KIRREL3: variants seen among roughly 807,000 people sequenced by gnomAD.
The protein encoded by KIRREL3 is kirre like nephrin family adhesion molecule 3, also known as kin of IRRE-like protein 3.
A neutral mutation model predicts 89.7 loss-of-function variants in KIRREL3; 36 were observed. The observed-to-expected ratio is 0.40, with a 90% CI of 0.31 to 0.53. The LOEUF (loss-of-function observed/expected upper bound fraction) is 0.53. Ranked by LOEUF, KIRREL3 falls within the 20% of genes least tolerant of loss-of-function variation. KIRREL3 has a pLI of 0.49. For synonymous variants in KIRREL3, 445 were observed against 441.4 expected (o/e 1.01, Z -0.10); for missense variants, 864 against 1,056.6 (o/e 0.82, Z 2.53).
chr11:126,875,272 A>G (rs1244308123), intron 1 of KIRREL3, among the ~76,000 whole-genome samples: 2 of 152,172 alleles, frequency 1.3e-5, no homozygotes, highest in African/African-American at 4.8e-5. Flanking sequence ...GAAAAAAAAC[A>G]CTGAAGAGAC....
intron 8 of KIRREL3, among the ~76,000 whole-genome samples, chr11:126,447,979 T>G (rs1955888512): frequency 6.6e-6 from 1 of 152,192 alleles, no homozygotes. Flanking sequence ...GGGTCCCTGC[T>G]GGACCTCCAG....
intron 15 of KIRREL3, among the ~76,000 whole-genome samples, 194 bp from the exon 16 acceptor site, chr11:126,425,918 G>A (rs958596623): frequency 2.0e-5 from 3 of 152,228 alleles, no homozygotes; most frequent in Admixed American, 2.0e-4. Flanking sequence ...AGTTGAGGGG[G>A]GTGGGTGAGT....
rs1202518877 is a variant in KIRREL3 at position 126,900,282 on chromosome 11, T to C, written c.55+100173A>G. Among the ~76,000 whole-genome samples the C allele has an allele frequency of 6.6e-6, 1 of 152,176 alleles. No homozygotes were observed. The highest frequency in any genetic ancestry group is 2.4e-5 in the African/African-American group (1 of 41,446). On this transcript the variant is annotated intron_variant, in intron 1 of 16. Coordinates refer to ENST00000525144, the MANE Select transcript of KIRREL3 (RefSeq NM_032531.4). The surrounding 1 kb of genome is among the most constrained non-coding windows in gnomAD (Gnocchi z 4.4). ...AAACCAAAGACGCCTTCACCACCAA[T>C]GATCAGAGGAAAAGTGATTCAGATG...
chr11:126,676,979 G>A lies in KIRREL3; in HGVS notation c.56-114067C>T, dbSNP rs1051892134. Among the ~76,000 whole-genome samples, 1 of 151,738 alleles carries A rather than the reference G, an allele frequency of 6.6e-6. No individual in the cohort carries two copies. The highest frequency in any genetic ancestry group is 2.4e-5 in the African/African-American group (1 of 41,306). On this transcript the variant is annotated intron_variant, in intron 1 of 16. Transcript: ENST00000525144. This position sits in a 1 kb window ranked among gnomAD's most constrained non-coding sequence, Gnocchi z 4.5. ...TTTAAAAAATTTTTTGTAGAGACAG[G>A]GTCTTGCTGTGTTGCCAGGGCTGAT...
intron 1 of KIRREL3, among the ~76,000 whole-genome samples, chr11:126,775,252 C>A (rs371029430): frequency 4.6e-5 from 7 of 152,064 alleles, no homozygotes; most frequent in Admixed American, 2.0e-4. Flanking sequence ...AGGAGTTGAT[C>A]GATTTAAAAA....
rs1950067785 is a variant in KIRREL3 at position 126,773,129 on chromosome 11, A to G, written c.56-210217T>C. ...GAATCTTCAAAATCACTGCACATTA[A>G]TCCATTGATTTTGTAGGTCTGTGAT... On this transcript the variant is annotated intron_variant, in intron 1 of 16. Coordinates refer to ENST00000525144, the MANE Select transcript of KIRREL3 (RefSeq NM_032531.4). This position sits in a 1 kb window ranked among gnomAD's most constrained non-coding sequence, Gnocchi z 4.2. 6.6e-6 allele frequency among the ~76,000 whole-genome samples: 1 copy of G among 152,162 alleles called. No individual in the cohort carries two copies. The highest frequency in any genetic ancestry group is 2.4e-5 in the African/African-American group (1 of 41,442).
intron 1 of KIRREL3, among the ~76,000 whole-genome samples, chr11:126,881,314 G>A (rs536646748): frequency 5.3e-5 from 8 of 152,170 alleles, no homozygotes; most frequent in Non-Finnish European, 1.0e-4. Flanking sequence ...CTCTCCCCAC[G>A]TTCCTTCAGA....
chr11:126,495,959 A>G lies in KIRREL3; in HGVS notation c.434-22493T>C, dbSNP rs1358832548. Among the ~76,000 whole-genome samples the G allele has an allele frequency of 6.6e-6, 1 of 152,148 alleles. No homozygotes were observed. The highest frequency in any genetic ancestry group is 1.5e-5 in the Non-Finnish European group (1 of 68,032). On this transcript the variant is annotated intron_variant, in intron 4 of 16. Transcript: ENST00000525144. This position sits in a 1 kb window ranked among gnomAD's most constrained non-coding sequence, Gnocchi z 6.5. Reference sequence around the variant, plus strand: ...AAACATGCACAGATCATCCTTTCTCAGTATCTGCACTGCTACTACCCCAGC... The same window carrying G: ...AAACATGCACAGATCATCCTTTCTCGGTATCTGCACTGCTACTACCCCAGC...
chr11:126,447,346 G>A (rs1955859442), intron 8 of KIRREL3, among the ~76,000 whole-genome samples: 1 of 152,170 alleles, frequency 6.6e-6, no homozygotes, highest in East Asian at 1.9e-4. Flanking sequence ...CAAGCTAGCT[G>A]CCATCTCCTC....
rs950448741 is a variant in KIRREL3, at chr11:126,568,555, G to T, written c.56-5643C>A. 6.6e-6 allele frequency among the ~76,000 whole-genome samples: 1 copy of T among 152,196 alleles called. No homozygotes were observed. The highest frequency in any genetic ancestry group is 2.1e-4 in the South Asian group (1 of 4,828). Reference sequence around the variant, plus strand: ...TCTGGAGGAGACACCAGCTGGGTTTGGTTGGACTCACAGGGAGGCCACATG... The same window carrying T: ...TCTGGAGGAGACACCAGCTGGGTTTTGTTGGACTCACAGGGAGGCCACATG... On this transcript the variant is annotated intron_variant, in intron 1 of 16. Coordinates refer to ENST00000525144, the MANE Select transcript of KIRREL3 (RefSeq NM_032531.4). This position sits in a 1 kb window ranked among gnomAD's most constrained non-coding sequence, Gnocchi z 4.6.
Position 126,943,241 on chromosome 11 carries a change from C to T in KIRREL3, c.55+57214G>A, listed in dbSNP as rs1948512843. On this transcript the variant is annotated intron_variant, in intron 1 of 16. Coordinates refer to ENST00000525144, the MANE Select transcript of KIRREL3 (RefSeq NM_032531.4). The surrounding 1 kb of genome is among the most constrained non-coding windows in gnomAD (Gnocchi z 4.2). Reference sequence around the variant, plus strand: ...GCCTTAAGCAGCTCCCATGGTAAAACATTCACCGTCATTCTTTCTCTCTTC... The same window carrying T: ...GCCTTAAGCAGCTCCCATGGTAAAATATTCACCGTCATTCTTTCTCTCTTC... Among the ~76,000 whole-genome samples, 1 of 152,294 alleles carries T rather than the reference C, an allele frequency of 6.6e-6. No individual in the cohort carries two copies. Among genetic ancestry groups the T allele is most frequent in the South Asian group, 2.1e-4 (1 of 4,832 alleles).
chr11:126,995,860 T>C lies in KIRREL3; in HGVS notation c.55+4595A>G, dbSNP rs896173428. Among the ~76,000 whole-genome samples, 2 of 152,102 alleles carry C rather than the reference T, an allele frequency of 1.3e-5. No individual in the cohort carries two copies. Among genetic ancestry groups the C allele is most frequent in the Non-Finnish European group, 2.9e-5 (2 of 68,014 alleles). On this transcript the variant is annotated intron_variant, in intron 1 of 16. Coordinates refer to ENST00000525144, the MANE Select transcript of KIRREL3 (RefSeq NM_032531.4). The surrounding 1 kb of genome is among the most constrained non-coding windows in gnomAD (Gnocchi z 6.5). ...GCCTAATCTCCTGCTCCACCCCATC[T>C]CCTGCTGGCCCTGGCTTCCACCAAC...
intron 3 of KIRREL3, among the ~76,000 whole-genome samples, chr11:126,524,181 T>TA (rs1214215347): frequency 6.6e-6 from 1 of 152,228 alleles, no homozygotes; most frequent in Non-Finnish European, 1.5e-5. Context: ...ATAGACTACT[T>TA]ACTATGTGCC....
intron 5 of KIRREL3, 23 bp downstream of exon 5, chr11:126,473,265 CCTTGAAGCCCGTCCACACCCA>C: frequency 1.1e-6 from 1 of 936,964 alleles, no homozygotes; most frequent in Non-Finnish European, 1.4e-6. Flanking sequence ...CACCCACTCC[CCTTGAAGCCCGTCCACACCCA>C]CCCCCTCCCC....
At chr11:126,757,111 A>G (rs1156997209) in intron 1 of KIRREL3, among the ~76,000 whole-genome samples, 3 of 152,206 alleles carry the variant, frequency 2.0e-5, no homozygotes, top group African/African-American at 7.2e-5. Flanking sequence ...GCAAGCTGTG[A>G]AATCTCTGAA....
chr11:126,561,803 C>G lies in KIRREL3; in HGVS notation c.133+1032G>C, dbSNP rs565730417. On this transcript the variant is annotated intron_variant, in intron 2 of 16. Transcript: ENST00000525144. This position sits in a 1 kb window ranked among gnomAD's most constrained non-coding sequence, Gnocchi z 4.5. ...ATGATGGGTGCTGGAAACAGGTCCA[C>G]AGCTGGCAAAGTCTCAGGCATGGGG... Among the ~76,000 whole-genome samples, 20 of 152,308 alleles carry G rather than the reference C, an allele frequency of 1.3e-4. No homozygotes were observed. In the South Asian group the frequency reaches 2.9e-3, roughly 22 times the overall value.
At position 126,782,747 on chromosome 11, in the gene KIRREL3, T is replaced by C. The variant is rs1950366990; in HGVS notation, c.55+217708A>G. 6.6e-6 allele frequency among the ~76,000 whole-genome samples: 1 copy of C among 152,220 alleles called. No homozygotes were observed. The highest frequency in any genetic ancestry group is 2.4e-5 in the African/African-American group (1 of 41,446). ...CAGTATGAACTTATATTTAGCTTAA[T>C]ATAGATATAGATGTTATGTATGGAA... On this transcript the variant is annotated intron_variant, in intron 1 of 16. Transcript: ENST00000525144. This position sits in a 1 kb window ranked among gnomAD's most constrained non-coding sequence, Gnocchi z 4.1.
rs55750071 is a variant in KIRREL3, at chr11:126,594,306, A to ATT, written c.56-31396_56-31395dup. Among the ~76,000 whole-genome samples the ATT allele has an allele frequency of 6.6e-6, 1 of 151,866 alleles. No individual in the cohort carries two copies. Among genetic ancestry groups the ATT allele is most frequent in the Non-Finnish European group, 1.5e-5 (1 of 67,954 alleles). ...GCCACAGGATTCATGGCGTACTGTG[A>ATT]TTTTTTTGTTGTTGCTATGGTCCTT... On this transcript the variant is annotated intron_variant, in intron 1 of 16. Transcript: ENST00000525144. This position sits in a 1 kb window ranked among gnomAD's most constrained non-coding sequence, Gnocchi z 5.0.
intron 1 of KIRREL3, among the ~76,000 whole-genome samples, chr11:126,821,351 A>ATATATATATG (rs756545626): frequency 9.5e-6 from 1 of 105,232 alleles, no homozygotes; most frequent in African/African-American, 4.4e-5. Context: ...ATATATATAT[A>ATATATATATG]TGTAACTTCC....
Sources: allele counts gnomAD v4.1 joint callset (sites outside exome capture counted in the v4.1 genomes callset), GRCh38; gene constraint gnomAD v4.1.1; non-coding constraint Gnocchi (gnomAD v3.1); transcripts MANE v1.5; gene names NCBI Gene and HGNC (gene_info 2026-07-23, HGNC 2026-07-21).